The following ANTXRL variants were observed in gnomAD, a reference collection of about 807,000 sequenced individuals.
ANTXRL encodes ANTXR like.
In ANTXRL, 63 loss-of-function variants were observed where a neutral mutation model predicts 75.4. That is an observed-to-expected ratio of 0.84 (90% CI 0.68 to 1.03). ANTXRL has a LOEUF of 1.03. Ranked by LOEUF, ANTXRL falls within the 50% of genes least tolerant of loss-of-function variation. The pLI, the probability that ANTXRL is intolerant of heterozygous loss-of-function variation, is 0.00. For synonymous variants in ANTXRL, 335 were observed against 291.3 expected (o/e 1.15, Z -1.53); for missense variants, 797 against 789.4 (o/e 1.01, Z -0.12).
chr10:46,293,128 C>T, intron 2 of ANTXRL: 1 of 151,164 alleles, frequency 6.6e-6, no homozygotes, highest in Non-Finnish European at 1.5e-5. Flanking sequence ...TGTGTGTGTG[C>T]AGGTGCCTGA....
chr10:46,287,140 G>C lies in ANTXRL; in HGVS notation c.-123G>C. The C allele has an allele frequency of 7.8e-7, 1 of 1,280,446 alleles. No homozygotes were observed. Among genetic ancestry groups the C allele is most frequent in the Non-Finnish European group, 1.0e-6 (1 of 953,166 alleles). The allele number at this position is 1,280,446 out of a possible 1,614,324, so 79.3% of individuals were successfully genotyped here. A position where few individuals can be genotyped will look rare whatever the true frequency, so the allele number is the denominator to read the frequency against. On this transcript the variant is annotated 5_prime_UTR_variant, in exon 1 of 17. Coordinates refer to ENST00000620264, the MANE Select transcript of ANTXRL (RefSeq NM_001278688.3). ...GGCCATAGTGTGCACTGGTGAAAGG[G>C]CAGGAGGAGGGGTGTGGCCCCGGGC... is the stretch of plus-strand genomic sequence containing the variant.
rs782811982 is a variant in ANTXRL, at chr10:46,329,993, C to T, written c.1805C>T (p.Pro602Leu). 11 of 1,535,410 alleles carry T rather than the reference C, an allele frequency of 7.2e-6. No homozygotes were observed. Among genetic ancestry groups the T allele is most frequent in the Non-Finnish European group, 9.6e-6 (11 of 1,146,632 alleles). ...CRLPPARCLRPPSRMLPLLSP... is the reference protein window; with the variant it reads ...CRLPPARCLRLPSRMLPLLSP... ...CTCCCCCCAGCTAGGTGCTTGAGGC[C>T]TCCCTCCAGGATGCTGCCGCTGCTG... The change falls in exon 17 of 17, where the codon CCT (proline) becomes CTT (leucine). Residue 602 changes from proline to leucine, a missense_variant. Pro to Leu is a moderately conservative substitution (Grantham distance 98, BLOSUM62 -3). Coordinates refer to ENST00000620264, the MANE Select transcript of ANTXRL (RefSeq NM_001278688.3).
chr10:46,328,239 C>G (rs545102145), intron 16 of ANTXRL, among the ~76,000 whole-genome samples: 3 of 152,246 alleles, frequency 2.0e-5, no homozygotes, highest in Admixed American at 6.5e-5. Flanking sequence ...ACTGGGCAGA[C>G]AAGGTTAGGA....
At chr10:46,319,153 T>G (rs1360647133) in intron 16 of ANTXRL, among the ~76,000 whole-genome samples, 1 of 152,192 alleles carries the variant, frequency 6.6e-6, no homozygotes, top group African/African-American at 2.4e-5. Context: ...TATGTGAGTA[T>G]GGAGGCTTTC....
intron 12 of ANTXRL, among the ~76,000 whole-genome samples, chr10:46,307,981 C>A (rs782596387): frequency 6.6e-6 from 1 of 152,170 alleles, no homozygotes; most frequent in East Asian, 1.9e-4. Flanking sequence ...CACTCGGACC[C>A]GAGCTCAGCT....
chr10:46,326,872 C>T (rs1554966620), intron 16 of ANTXRL, among the ~76,000 whole-genome samples: 21 of 152,112 alleles, frequency 1.4e-4, no homozygotes, highest in Non-Finnish European at 2.8e-4. Flanking sequence ...ACTCTCTGGT[C>T]GCTCTTGCTC....
At position 46,298,034 on chromosome 10, in the gene ANTXRL, G is replaced by A. The variant is rs1282047005; in HGVS notation, c.768G>A (p.Ser256=). 1 of 1,535,916 alleles carries A rather than the reference G, an allele frequency of 6.5e-7. No homozygotes were observed. The highest frequency in any genetic ancestry group is 1.4e-5 in the African/African-American group (1 of 73,104). The change falls in exon 9 of 17, where the codon TCG becomes TCA. Residue 256 remains serine (S), a synonymous_variant. Coordinates refer to ENST00000620264, the MANE Select transcript of ANTXRL (RefSeq NM_001278688.3). ...CAAAGGTCTGTCTTGATGTGACATC[G>A]GTGGAGCCTTCCTCTGAGTGTGTAG... ...LTSKVCLDVT[S]VEPSSECVGE... is the part of the protein sequence containing the mutation.
chr10:46,326,770 G>A (rs1268278269), intron 16 of ANTXRL, among the ~76,000 whole-genome samples: 6 of 152,112 alleles, frequency 3.9e-5, no homozygotes, highest in African/African-American at 1.4e-4. Flanking sequence ...GCAGTGGTGG[G>A]TGGAATACAG....
At chr10:46,289,409 A>C (rs1190928502) in intron 1 of ANTXRL, among the ~76,000 whole-genome samples, 1 of 152,194 alleles carries the variant, frequency 6.6e-6, no homozygotes, top group Non-Finnish European at 1.5e-5. Flanking sequence ...ATCCATCTCC[A>C]GAAATGTTTC....
chr10:46,310,256 G>T (rs1359036650), intron 13 of ANTXRL, among the ~76,000 whole-genome samples: 2 of 152,106 alleles, frequency 1.3e-5, no homozygotes, highest in African/African-American at 4.8e-5. Flanking sequence ...CGGTACAGGG[G>T]TTCCCCTTTG....
intron 16 of ANTXRL, among the ~76,000 whole-genome samples, chr10:46,323,012 C>T (rs1355243782): frequency 2.6e-5 from 4 of 152,200 alleles, no homozygotes; most frequent in African/African-American, 9.6e-5. Context: ...ATTTGGAGTC[C>T]GTTTATTTAA....
intron 12 of ANTXRL, among the ~76,000 whole-genome samples, chr10:46,307,694 C>T (rs1838175599): frequency 6.6e-6 from 1 of 152,016 alleles, no homozygotes; most frequent in South Asian, 2.1e-4. Flanking sequence ...ACCTCTAGGC[C>T]AGGACCTCAG....
chr10:46,306,742 A>C (rs782603152), intron 10 of ANTXRL, 61 bp from the exon 11 acceptor site: 1 of 1,393,716 alleles, frequency 7.2e-7, no homozygotes, highest in African/African-American at 1.4e-5. Flanking sequence ...GAGGACAGAC[A>C]TGGGGAGGAA....
intron 2 of ANTXRL, among the ~76,000 whole-genome samples, chr10:46,293,389 CCTGTGTGTGTGA>C (rs1837142401): frequency 1.8e-5 from 2 of 110,884 alleles, no homozygotes; most frequent in East Asian, 2.8e-4. Context: ...TGAGTGTGTG[CCTGTGTGTGTGA>C]GTGTGTGCCT....
chr10:46,287,412 C>A lies in ANTXRL; in HGVS notation c.150C>A (p.Ala50=). 3 of 1,535,916 alleles carry A rather than the reference C, an allele frequency of 2.0e-6. No homozygotes were observed. The South Asian group carries it at 3.6e-5, about 18-fold the overall frequency. The change falls in exon 1 of 17, where the codon GCC becomes GCA. Residue 50 remains alanine, a synonymous_variant. Transcript: ENST00000620264. ...FHRLALGSRR[A]HHHHGPGWRQ... ...GCCTGGCCCTGGGCTCCAGGAGAGC[C>A]CACCACCACCATGGCCCAGGATGGA...
At chr10:46,310,310 A>C in intron 13 of ANTXRL, 151 bp from the exon 14 acceptor site, 1 of 744,196 alleles carries the variant, frequency 1.3e-6, no homozygotes, top group Non-Finnish European at 2.3e-6. Flanking sequence ...CCTGCCGGGT[A>C]CAAGTTCACA....
In ANTXRL at chr10:46,299,322, A is replaced by G. The variant is rs529740884; in HGVS notation, c.796+1260A>G. Among the ~76,000 whole-genome samples, 3 of 152,230 alleles carry G rather than the reference A, an allele frequency of 2.0e-5. No individual in the cohort carries two copies. In the South Asian group the frequency reaches 6.2e-4, roughly 32 times the overall value. On this transcript the variant is annotated intron_variant, in intron 9 of 16. Transcript: ENST00000620264. The stretch of plus-strand genomic sequence containing the variant: ...AACACCCTCAGCTCACCTCAATCCC[A>G]CAGGATCAATCCCAGTGCCTGTCCA...
intron 16 of ANTXRL, among the ~76,000 whole-genome samples, chr10:46,318,495 G>A (rs571717879): frequency 6.6e-6 from 1 of 151,210 alleles, no homozygotes; most frequent in African/African-American, 2.5e-5. Context: ...TGATCAAAAC[G>A]ACAAGTTCAC....
chr10:46,292,034 G>T (rs1588783867), intron 1 of ANTXRL, 24 bp from the exon 2 acceptor site: 1 of 1,534,730 alleles, frequency 6.5e-7, no homozygotes, highest in Non-Finnish European at 8.7e-7. Flanking sequence ...TCATCTCCCT[G>T]ACCCACATCT....
Sources: allele counts gnomAD v4.1 joint callset (sites outside exome capture counted in the v4.1 genomes callset), GRCh38; gene constraint gnomAD v4.1.1; transcripts MANE v1.5; gene names NCBI Gene and HGNC (gene_info 2026-07-23, HGNC 2026-07-21).